WNT3A: variants seen among roughly 807,000 people sequenced by gnomAD.
The protein encoded by WNT3A is protein Wnt-3a.
Under a neutral mutation model 37.0 loss-of-function variants are expected in WNT3A, and 17 were observed. The ratio of observed to expected loss-of-function variants is 0.46; its 90% CI spans 0.31 to 0.69. The LOEUF (loss-of-function observed/expected upper bound fraction) is 0.69, where lower values mean the gene tolerates loss of function less well. Ranked by LOEUF, WNT3A falls within the 30% of genes least tolerant of loss-of-function variation. The pLI is 0.05. For missense variants in WNT3A, 411 were observed against 510.2 expected (o/e 0.81, Z 1.87); for synonymous variants, 187 against 211.0 (o/e 0.89, Z 0.99).
intron 3 of WNT3A, among the ~76,000 whole-genome samples, chr1:228,054,093 T>A (rs1337569956): frequency 1.3e-5 from 2 of 152,116 alleles, no homozygotes; most frequent in Admixed American, 6.5e-5. Flanking sequence ...AAGGGTGCCA[T>A]CTCTGGTAAA....
chr1:228,039,310 C>T lies in WNT3A; in HGVS notation c.314-11346C>T, dbSNP rs1324775302. ...ACAGAGGCAGAACCATAGCCCCCTT[C>T]CCAGACTAAGCAGCCCAGCCACCAG... On this transcript the variant is annotated intron_variant, in intron 2 of 3. Transcript: ENST00000284523. The surrounding 1 kb of genome is among the most constrained non-coding windows in gnomAD (Gnocchi z 4.1). Among the ~76,000 whole-genome samples the T allele has an allele frequency of 2.0e-5, 3 of 152,148 alleles. No homozygotes were observed. Among genetic ancestry groups the T allele is most frequent in the African/African-American group, 7.2e-5 (3 of 41,420 alleles).
intron 3 of WNT3A, among the ~76,000 whole-genome samples, chr1:228,055,158 CAAAAAAA>C (rs34263332): frequency 8.9e-4 from 14 of 15,758 alleles, no homozygotes; most frequent in East Asian, 4.5e-3. Context: ...AACTCCGTCC[CAAAAAAA>C]AAAAAAAAAA....
chr1:228,024,421 A>C (rs910248773), intron 2 of WNT3A, among the ~76,000 whole-genome samples: 2 of 152,244 alleles, frequency 1.3e-5, no homozygotes, highest in African/African-American at 4.8e-5. Flanking sequence ...ATGACCGATG[A>C]TGCCAAGCAC....
intron 2 of WNT3A, among the ~76,000 whole-genome samples, chr1:228,048,807 C>A (rs964916392): frequency 6.6e-6 from 1 of 152,144 alleles, no homozygotes; most frequent in Admixed American, 6.5e-5. Flanking sequence ...ACACCCACCC[C>A]CAAGACACAG....
chr1:228,011,891 A>T (rs1433372550), intron 1 of WNT3A, among the ~76,000 whole-genome samples: 1 of 152,188 alleles, frequency 6.6e-6, no homozygotes, highest in Non-Finnish European at 1.5e-5. Flanking sequence ...GCAACCAGAC[A>T]TTGGCCCTGC....
intron 2 of WNT3A, among the ~76,000 whole-genome samples, chr1:228,026,864 AT>A (rs563503364): frequency 9.3e-4 from 142 of 152,196 alleles, no homozygotes; most frequent in African/African-American, 3.3e-3. Flanking sequence ...TTTTATTGAG[AT>A]AGGGTCTCAC....
Position 228,060,930 on chromosome 1 carries a change from C to A in WNT3A, c.*1465C>A, listed in dbSNP as rs2031793271. On this transcript the variant is annotated 3_prime_UTR_variant, in exon 4 of 4. Coordinates refer to ENST00000284523, the MANE Select transcript of WNT3A (RefSeq NM_033131.4). ...GTCCCACAGCCCTGAGATGGGCCGG[C>A]CCCCTTCCTGGCCCCTCATGGCGGG... 6.6e-6 allele frequency: 1 copy of A among 152,584 alleles called. No individual in the cohort carries two copies. The highest frequency in any genetic ancestry group is 2.4e-5 in the African/African-American group (1 of 41,478). The allele number at this position is 152,584 out of a possible 1,614,324, so 9.5% of individuals were successfully genotyped here. A position where few individuals can be genotyped will look rare whatever the true frequency, so the allele number is the denominator to read the frequency against.
chr1:228,017,284 G>A (rs2030562744), intron 1 of WNT3A, among the ~76,000 whole-genome samples: 1 of 152,124 alleles, frequency 6.6e-6, no homozygotes, highest in South Asian at 2.1e-4. Context: ...GGGGCTGGGT[G>A]GTGGTAGTAA....
chr1:228,040,851 A>G (rs946722973), intron 2 of WNT3A, among the ~76,000 whole-genome samples: 1 of 147,618 alleles, frequency 6.8e-6, no homozygotes, highest in Non-Finnish European at 1.5e-5. Context: ...GCGCCACTGC[A>G]CTCCAGCCTG....
chr1:228,050,261 A>C lies in WNT3A; in HGVS notation c.314-395A>C, dbSNP rs1427587374. 6.6e-6 allele frequency among the ~76,000 whole-genome samples: 1 copy of C among 152,184 alleles called. No homozygotes were observed. Among genetic ancestry groups the C allele is most frequent in the Non-Finnish European group, 1.5e-5 (1 of 68,038 alleles). On this transcript the variant is annotated intron_variant, in intron 2 of 3. Coordinates refer to ENST00000284523, the MANE Select transcript of WNT3A (RefSeq NM_033131.4). This position sits in a 1 kb window ranked among gnomAD's most constrained non-coding sequence, Gnocchi z 5.0. ...ATGTTGAAAAGGCTGTCCTGGTCTC[A>C]AGCAGTCCTCCTACTGTGCCTCTCA... is the stretch of plus-strand genomic sequence containing the variant.
At chr1:228,040,681 A>C (rs1014639880) in intron 2 of WNT3A, among the ~76,000 whole-genome samples, 7 of 152,068 alleles carry the variant, frequency 4.6e-5, no homozygotes, top group Non-Finnish European at 1.0e-4. Context: ...CAGGAGATCG[A>C]GACCATCCTG....
rs146291301 is a variant in WNT3A, at chr1:228,042,471, T to C, written c.314-8185T>C. On this transcript the variant is annotated intron_variant, in intron 2 of 3. Transcript: ENST00000284523. The surrounding 1 kb of genome is among the most constrained non-coding windows in gnomAD (Gnocchi z 5.2). The stretch of plus-strand genomic sequence containing the variant: ...TGGGTGGATGATGGATGAATGGTGA[T>C]GGATGAATGGTGATGGATGGATTAG... Among the ~76,000 whole-genome samples, 183 of 149,762 alleles carry C rather than the reference T, an allele frequency of 1.2e-3. No individual in the cohort carries two copies. Among genetic ancestry groups the C allele is most frequent in the Middle Eastern group, 7.6e-3 (2 of 264 alleles).
In WNT3A at chr1:228,059,377, G is replaced by A. The variant is rs751711828; in HGVS notation, c.971G>A (p.Arg324Gln). ...RGHNARAERRREKCRCVFHWC... is the reference protein window; with the variant it reads ...RGHNARAERRQEKCRCVFHWC... ...CACAACGCGCGAGCGGAGCGGCGCCGGGAGAAGTGCCGCTGCGTGTTCCAC... is the reference window on the plus strand; with the variant it reads ...CACAACGCGCGAGCGGAGCGGCGCCAGGAGAAGTGCCGCTGCGTGTTCCAC... Residue 324 changes from arginine to glutamine, a missense_variant, in exon 4 of 4, where the codon CGG becomes CAG. Coordinates refer to ENST00000284523, the MANE Select transcript of WNT3A (RefSeq NM_033131.4). The A allele has an allele frequency of 1.2e-5, 19 of 1,562,066 alleles. No individual in the cohort carries two copies. The South Asian group carries it at 2.2e-4, about 18-fold the overall frequency.
At chr1:228,035,678 A>C (rs1571804544) in intron 2 of WNT3A, among the ~76,000 whole-genome samples, 1 of 152,180 alleles carries the variant, frequency 6.6e-6, no homozygotes, top group East Asian at 1.9e-4. Context: ...GGCCTCACAG[A>C]TGCCCAGGTC....
intron 1 of WNT3A, among the ~76,000 whole-genome samples, chr1:228,016,980 G>T (rs963415077): frequency 6.6e-6 from 1 of 152,224 alleles, no homozygotes; most frequent in Non-Finnish European, 1.5e-5. Flanking sequence ...AACACTGGGG[G>T]TCGCATTTCA....
At chr1:228,025,233 C>T (rs2030824223) in intron 2 of WNT3A, among the ~76,000 whole-genome samples, 1 of 152,066 alleles carries the variant, frequency 6.6e-6, no homozygotes, top group South Asian at 2.1e-4. Flanking sequence ...ATGGGGATTT[C>T]ACTGATTCTG....
At chr1:228,017,617 G>A (rs1320368843) in intron 1 of WNT3A, among the ~76,000 whole-genome samples, 1 of 152,216 alleles carries the variant, frequency 6.6e-6, no homozygotes, top group Non-Finnish European at 1.5e-5. Context: ...GGAGGCTGAG[G>A]CTAAGATGGG....
At position 228,016,417 on chromosome 1, in the gene WNT3A, T is replaced by C. The variant is rs568412950; in HGVS notation, c.72-6250T>C. On this transcript the variant is annotated intron_variant, in intron 1 of 3. Coordinates refer to ENST00000284523, the MANE Select transcript of WNT3A (RefSeq NM_033131.4). ...CCCAGTTCAGTTGGGGAAACTGAGG[T>C]TCCAACAGTCCCAAAGCTGCAGGTG... Among the ~76,000 whole-genome samples, 57 of 152,138 alleles carry C rather than the reference T, an allele frequency of 3.7e-4. No individual in the cohort carries two copies. In the South Asian group the frequency reaches 0.012, roughly 31 times the overall value.
At chr1:228,043,076 TGG>T (rs1368885412) in intron 2 of WNT3A, among the ~76,000 whole-genome samples, 2 of 152,110 alleles carry the variant, frequency 1.3e-5, no homozygotes, top group Non-Finnish European at 2.9e-5. Context: ...TGGATAGATG[TGG>T]ATGACGGATG....
Sources: allele counts gnomAD v4.1 joint callset (sites outside exome capture counted in the v4.1 genomes callset), GRCh38; gene constraint gnomAD v4.1.1; non-coding constraint Gnocchi (gnomAD v3.1); transcripts MANE v1.5; gene names NCBI Gene and HGNC (gene_info 2026-07-23, HGNC 2026-07-21).